The following SLC34A3 variants were observed in gnomAD, a reference collection of about 807,000 sequenced individuals.
SLC34A3 encodes sodium-dependent phosphate transport protein 2C.
Under a neutral mutation model 43.9 loss-of-function variants are expected in SLC34A3, and 60 were observed. The ratio of observed to expected loss-of-function variants is 1.37; its 90% CI spans 1.11 to 1.70. The LOEUF (loss-of-function observed/expected upper bound fraction) is 1.70, where lower values mean the gene tolerates loss of function less well. SLC34A3 is among the 40% of genes most tolerant of loss of function. The pLI is 0.00. For missense variants in SLC34A3, 969 were observed against 823.8 expected (o/e 1.18, Z -2.16); for synonymous variants, 451 against 386.2 (o/e 1.17, Z -1.97).
At chr9:137,231,337 T>G (rs1042914388) in intron 1 of SLC34A3, among the ~76,000 whole-genome samples, 1 of 152,180 alleles carries the variant, frequency 6.6e-6, no homozygotes, top group South Asian at 2.1e-4. Context: ...TGACACCAGA[T>G]AGGGGAGGTC....
upstream of SLC34A3, among the ~76,000 whole-genome samples, chr9:137,230,309 C>G (rs1029842165): frequency 6.6e-6 from 1 of 152,164 alleles, no homozygotes; most frequent in African/African-American, 2.4e-5. Context: ...CCGTCGCTGG[C>G]TATACCAGGG....
chr9:137,233,052 G>A lies in SLC34A3; in HGVS notation c.497G>A (p.Gly166Asp), dbSNP rs1056269862. ...CCCATCATCATGGGTGTCAACGTAG[G>A]CACATCCATCACCAGCACCCTGGTC... Reference protein sequence around the residue: ...SVPIIMGVNVGTSITSTLVSM... With the variant: ...SVPIIMGVNVDTSITSTLVSM... The change falls in exon 6 of 13, where the codon GGC (glycine) becomes GAC (aspartate). Residue 166 changes from glycine to aspartate, a missense_variant. Coordinates refer to ENST00000673835, the MANE Select transcript of SLC34A3 (RefSeq NM_001177316.2). The A allele has an allele frequency of 1.9e-6, 3 of 1,611,456 alleles. No homozygotes were observed. Among genetic ancestry groups the A allele is most frequent in the Non-Finnish European group, 1.7e-6 (2 of 1,179,602 alleles).
In SLC34A3 at chr9:137,234,501, C is replaced by T. The variant is rs200677629; in HGVS notation, c.1179C>T (p.Ser393=). The part of the protein sequence containing the change: ...AGLTFALQSS[S]VFTAAVVPLM... ...TGACCTTCGCACTGCAGAGCAGCAG[C>T]GTCTTCACGGCGGCCGTCGTGCCCC... The change falls in exon 11 of 13, where the codon AGC becomes AGT. Residue 393 remains serine, a synonymous_variant. Coordinates refer to ENST00000673835, the MANE Select transcript of SLC34A3 (RefSeq NM_001177316.2). This position sits in a 1 kb window ranked among gnomAD's most constrained non-coding sequence, Gnocchi z 6.9. The T allele has an allele frequency of 9.4e-5, 151 of 1,604,730 alleles. No individual in the cohort carries two copies. The highest frequency in any genetic ancestry group is 5.3e-4 in the Admixed American group (32 of 59,916).
At chr9:137,233,796 T>A in intron 8 of SLC34A3, 67 bp from the exon 9 acceptor site, 1 of 283,028 alleles carries the variant, frequency 3.5e-6, no homozygotes, top group Non-Finnish European at 6.3e-6. Flanking sequence ...CCACCCACCC[T>A]CACCTCGAGC....
In SLC34A3 at chr9:137,236,466, T is replaced by C; in HGVS notation, c.*50T>C. The C allele has an allele frequency of 2.1e-6, 3 of 1,441,776 alleles. No homozygotes were observed. The highest frequency in any genetic ancestry group is 2.8e-6 in the Non-Finnish European group (3 of 1,062,134). The allele number at this position is 1,441,776 out of a possible 1,614,324, so 89.3% of individuals were successfully genotyped here. On this transcript the variant is annotated 3_prime_UTR_variant, in exon 13 of 13. Transcript: ENST00000673835. The stretch of plus-strand genomic sequence containing the variant: ...CCACCCTCCCCGGCTGGGAGGGCTC[T>C]GGAGGGCCCTGGAGGGGGGGTCCCC...
intron 8 of SLC34A3, 57 bp downstream of exon 8, chr9:137,233,779 T>TTGGGGGCCCCCCCCCCCCCCCCCCCCC: frequency 6.9e-7 from 1 of 1,445,772 alleles, no homozygotes; most frequent in Non-Finnish European, 9.6e-7. Context: ...TGCTGAGTCA[T>TTGGGGGCCCCCCCCCCCCCCCCCCCCC]CCCGCCCCAC....
chr9:137,233,103 A>T lies in SLC34A3; in HGVS notation c.548A>T (p.Asp183Val). 1 of 1,514,746 alleles carries T rather than the reference A, an allele frequency of 6.6e-7. No homozygotes were observed. The highest frequency in any genetic ancestry group is 2.7e-5 in the East Asian group (1 of 37,586). 93.8% of individuals were successfully genotyped at this position (1,514,746 alleles called of 1,614,324 possible). The change falls in exon 6 of 13, where the codon GAT becomes GTT. Residue 183 changes from aspartate (D) to valine (V), a missense_variant. By Grantham distance (152) the Asp-to-Val change is radical. Transcript: ENST00000673835. Reference sequence around the variant, plus strand: ...TCAATGGCGCAGTCAGGGGACCGGGATGAATTTCAGAGGTGAGTTGTGGGT... The same window carrying T: ...TCAATGGCGCAGTCAGGGGACCGGGTTGAATTTCAGAGGTGAGTTGTGGGT... ...LVSMAQSGDRDEFQRAFSGSA... is the reference protein window; with the variant it reads ...LVSMAQSGDRVEFQRAFSGSA...
chr9:137,233,781 CCG>C, intron 8 of SLC34A3, 59 bp downstream of exon 8: 7 of 690,328 alleles, frequency 1.0e-5, no homozygotes, highest in African/African-American at 1.9e-5. Context: ...CTGAGTCATC[CCG>C]CCCCACCCAC....
At chr9:137,233,474 G>A (rs1836370912) in intron 7 of SLC34A3, 70 bp downstream of exon 7, 1 of 1,582,094 alleles carries the variant, frequency 6.3e-7, no homozygotes, top group South Asian at 1.1e-5. Context: ...GGCCCGCCCT[G>A]CCCTGATGGA....
chr9:137,232,960 GGGGCAGGGT>G, intron 5 of SLC34A3, 33 bp downstream of exon 5: 5 of 1,606,430 alleles, frequency 3.1e-6, no homozygotes, highest in Non-Finnish European at 4.2e-6. Flanking sequence ...GGTGGTGGGG[GGGGCAGGGT>G]GGGCCGCAGG....
chr9:137,230,385 C>T (rs970309497), upstream of SLC34A3, among the ~76,000 whole-genome samples: 3 of 152,184 alleles, frequency 2.0e-5, no homozygotes, highest in Non-Finnish European at 2.9e-5. Context: ...CCTCTGACCT[C>T]GGGCTGGGTG....
chr9:137,234,255 G>C lies in SLC34A3; in HGVS notation c.1072G>C (p.Val358Leu), dbSNP rs770332251. 6.2e-7 allele frequency: 1 copy of C among 1,610,946 alleles called. No homozygotes were observed. Among genetic ancestry groups the C allele is most frequent in the South Asian group, 1.1e-5 (1 of 90,888 alleles). The change falls in exon 10 of 13, where the codon GTG (valine) becomes CTG (leucine). Residue 358 changes from valine (V) to leucine (L), a missense_variant. By Grantham distance (32) the Val-to-Leu change is conservative. Coordinates refer to ENST00000673835, the MANE Select transcript of SLC34A3 (RefSeq NM_001177316.2). This position sits in a 1 kb window ranked among gnomAD's most constrained non-coding sequence, Gnocchi z 6.9. ...GCTGCGCGGCCGCGTGGCCCAGGTC[G>C]TGAGGACAGTCATCAATGCGGGTGA... Reference protein sequence around the residue: ...SVLRGRVAQVVRTVINADFPF... With the variant: ...SVLRGRVAQVLRTVINADFPF...
rs540538566 is a variant in SLC34A3, at chr9:137,231,582, G to A, written c.-39-82G>A. 8 of 878,916 alleles carry A rather than the reference G, an allele frequency of 9.1e-6. No individual in the cohort carries two copies. In the Admixed American group the frequency reaches 1.4e-4, roughly 15 times the overall value. 54.4% of individuals were successfully genotyped at this position (878,916 alleles called of 1,614,324 possible). A position where few individuals can be genotyped will look rare whatever the true frequency, so the allele number is the denominator to read the frequency against. On this transcript the variant is annotated intron_variant, in intron 1 of 12. Transcript: ENST00000673835. ...TGGCGGCCAAGGGCTCAATTCAGGG[G>A]ACCCAGGGGTGTGAATCCAGCTTGT...
chr9:137,232,292 G>T (rs28371983), intron 3 of SLC34A3, 131 bp downstream of exon 3: 75 of 922,130 alleles, frequency 8.1e-5, no homozygotes, highest in African/African-American at 4.2e-4. Context: ...GCCCCCTCTG[G>T]GGAGACACGT....
rs1212141468 is a variant in SLC34A3, at chr9:137,236,297, C to T, written c.1681C>T (p.Pro561Ser). The T allele has an allele frequency of 3.2e-6, 5 of 1,543,048 alleles. No homozygotes were observed. Among genetic ancestry groups the T allele is most frequent in the Admixed American group, 3.9e-5 (2 of 51,008 alleles). ...WLPVWLHSLEPWDRLVTRCCP... is the reference protein window; with the variant it reads ...WLPVWLHSLESWDRLVTRCCP... Reference sequence around the variant, plus strand: ...CCCCGTCTGGCTCCATTCTCTGGAGCCCTGGGACCGCCTGGTGACCCGCTG... The same window carrying T: ...CCCCGTCTGGCTCCATTCTCTGGAGTCCTGGGACCGCCTGGTGACCCGCTG... Residue 561 changes from proline to serine, a missense_variant, in exon 13 of 13, where the codon CCC becomes TCC. Pro to Ser is a moderately conservative substitution (Grantham distance 74, BLOSUM62 -1). Transcript: ENST00000673835.
At chr9:137,232,760 A>T (rs746632675) in intron 4 of SLC34A3, 24 bp from the exon 5 acceptor site, 1 of 1,612,956 alleles carries the variant, frequency 6.2e-7, no homozygotes, top group South Asian at 1.1e-5. Flanking sequence ...CCGCAGCTTC[A>T]GCGCACCTCT....
intron 3 of SLC34A3, 135 bp downstream of exon 3, chr9:137,232,296 G>A: frequency 3.3e-6 from 3 of 902,892 alleles, no homozygotes; most frequent in Non-Finnish European, 5.2e-6. Flanking sequence ...CCTCTGGGGA[G>A]ACACGTGTCC....
At chr9:137,233,779 T>TTGCCCCCC in intron 8 of SLC34A3, 57 bp downstream of exon 8, 6 of 1,445,758 alleles carry the variant, frequency 4.2e-6, no homozygotes, top group Non-Finnish European at 5.8e-6. Flanking sequence ...TGCTGAGTCA[T>TTGCCCCCC]CCCGCCCCAC....
intron 8 of SLC34A3, 57 bp downstream of exon 8, chr9:137,233,779 T>TTGGGCGCCCCCC: frequency 2.1e-6 from 3 of 1,445,824 alleles, no homozygotes; most frequent in Non-Finnish European, 2.9e-6. Flanking sequence ...TGCTGAGTCA[T>TTGGGCGCCCCCC]CCCGCCCCAC....
Sources: allele counts gnomAD v4.1 joint callset (sites outside exome capture counted in the v4.1 genomes callset), GRCh38; gene constraint gnomAD v4.1.1; non-coding constraint Gnocchi (gnomAD v3.1); transcripts MANE v1.5; gene names NCBI Gene and HGNC (gene_info 2026-07-23, HGNC 2026-07-21).